SCN8A: variants seen among roughly 807,000 people sequenced by gnomAD.
SCN8A encodes sodium channel protein type 8 subunit alpha.
A neutral mutation model predicts 184.1 loss-of-function variants in SCN8A; 30 were observed. That is an observed-to-expected ratio of 0.16 (90% confidence interval 0.12 to 0.22). The LOEUF (loss-of-function observed/expected upper bound fraction) is 0.22. Ranked by LOEUF, SCN8A falls within the 10% of genes least tolerant of loss-of-function variation. SCN8A has a pLI of 1.00. For synonymous variants in SCN8A, 852 were observed against 907.0 expected, an observed-to-expected ratio of 0.94 and a Z score of 1.09; for missense variants, 1,057 against 2,498.9, an observed-to-expected ratio of 0.42 and a Z score of 12.30.
In SCN8A at chr12:51,620,476, T is replaced by C. The variant is rs146517336; in HGVS notation, c.-55+29117T>C. On this transcript the variant is annotated intron_variant, in intron 1 of 26. Transcript: ENST00000627620. ...TAGCTCTTCAAATAGTCATCTTTAA[T>C]TTTTTCTTTATATAACTCTATATTT... Among the ~76,000 whole-genome samples the C allele has an allele frequency of 3.3e-3, 500 of 152,252 alleles. 2 individuals are homozygous for C. Among genetic ancestry groups the C allele is most frequent in the African/African-American group, 0.011 (458 of 41,546 alleles).
chr12:51,751,250 C>T (rs1942589373), intron 13 of SCN8A, 105 bp from the exon 14 acceptor site: 4 of 791,660 alleles, frequency 5.1e-6, no homozygotes, highest in Non-Finnish European at 8.4e-6. Flanking sequence ...TCAAAACAAC[C>T]TTGATTCCAT....
chr12:51,723,398 A>T (rs555867187), intron 12 of SCN8A, among the ~76,000 whole-genome samples: 1 of 152,214 alleles, frequency 6.6e-6, no homozygotes, highest in Non-Finnish European at 1.5e-5. Flanking sequence ...ATGCTGAGGC[A>T]GGGGGATCAC....
chr12:51,699,843 A>T, intron 7 of SCN8A, 52 bp downstream of exon 7: 1 of 1,485,776 alleles, frequency 6.7e-7, no homozygotes, highest in Non-Finnish European at 9.3e-7. Context: ...TTCCTAGTTC[A>T]CATGGTCAGA....
chr12:51,612,607 G>C (rs2138580124), intron 1 of SCN8A, among the ~76,000 whole-genome samples: 1 of 152,124 alleles, frequency 6.6e-6, no homozygotes, highest in South Asian at 2.1e-4. Context: ...TTTTTTTCTT[G>C]TTTAGTCTGT....
rs150913624 is a variant in SCN8A at position 51,681,916 on chromosome 12, T to C, written c.277-2258T>C. Among the ~76,000 whole-genome samples the C allele has an allele frequency of 7.0e-3, 1,059 of 151,614 alleles. 11 individuals carry two copies. Among genetic ancestry groups the C allele is most frequent in the African/African-American group, 0.024 (1,000 of 41,286 alleles). On this transcript the variant is annotated intron_variant, in intron 2 of 26. Coordinates refer to ENST00000627620, the MANE Select transcript of SCN8A (RefSeq NM_001330260.2). ...GGAAGCATAAGATTGGTTCCTGCCC[T>C]CAAAGAACCAAAAGCCTAATTGTAG...
chr12:51,598,601 T>C (rs1307896848), intron 1 of SCN8A, among the ~76,000 whole-genome samples: 1 of 152,220 alleles, frequency 6.6e-6, no homozygotes, highest in Non-Finnish European at 1.5e-5. Flanking sequence ...GTTGACAGTT[T>C]CTCTTCCATT....
At chr12:51,593,638 C>T (rs530215709) in intron 1 of SCN8A, among the ~76,000 whole-genome samples, 1 of 152,202 alleles carries the variant, frequency 6.6e-6, no homozygotes, top group Non-Finnish European at 1.5e-5. Context: ...GGACAGTTCC[C>T]CGACCAGTTC....
intron 14 of SCN8A, among the ~76,000 whole-genome samples, chr12:51,755,931 T>G (rs1942666652): frequency 6.6e-6 from 1 of 152,102 alleles, no homozygotes; most frequent in African/African-American, 2.4e-5. Context: ...CTCCTCACCC[T>G]GTATAGGCTC....
chr12:51,694,035 C>T (rs1351451065), intron 6 of SCN8A, among the ~76,000 whole-genome samples: 2 of 152,178 alleles, frequency 1.3e-5, no homozygotes, highest in African/African-American at 4.8e-5. Context: ...TGGGTTCAAG[C>T]GATTCTCCTG....
In SCN8A at chr12:51,592,339, CTG is replaced by C. The variant is rs549342174; in HGVS notation, c.-55+982_-55+983del. Among the ~76,000 whole-genome samples, 1,378 of 152,086 alleles carry C rather than the reference CTG, an allele frequency of 9.1e-3. 11 individuals carry two copies. Among genetic ancestry groups the C allele is most frequent in the Middle Eastern group, 0.027 (8 of 294 alleles). ...CTAACTTTCCAGGGGTTAGCCAGGA[CTG>C]TCAGACCCTTTCAGGGGCCCCAGCT... On this transcript the variant is annotated intron_variant, in intron 1 of 26. Coordinates refer to ENST00000627620, the MANE Select transcript of SCN8A (RefSeq NM_001330260.2).
Position 51,806,946 on chromosome 12 carries a change from A to T in SCN8A, c.5460A>T (p.Arg1820=). ...CAGATGCCTTGGAGCATCCTCTCCGAGTGCCCAAGCCCAATACCATTGAGC... is the reference window on the plus strand; with the variant it reads ...CAGATGCCTTGGAGCATCCTCTCCGTGTGCCCAAGCCCAATACCATTGAGC... ...DFADALEHPL[R]VPKPNTIELI... Residue 1820 remains arginine, a synonymous_variant, in exon 27 of 27, where the codon CGA becomes CGT. Transcript: ENST00000627620. This position sits in a 1 kb window ranked among gnomAD's most constrained non-coding sequence, Gnocchi z 8.7. 6.2e-7 allele frequency: 1 copy of T among 1,613,728 alleles called. No individual in the cohort carries two copies. The highest frequency in any genetic ancestry group is 1.1e-5 in the South Asian group (1 of 91,080).
intron 1 of SCN8A, among the ~76,000 whole-genome samples, chr12:51,656,783 C>T (rs563950780): frequency 6.6e-6 from 1 of 151,420 alleles, no homozygotes; most frequent in Admixed American, 6.6e-5. Context: ...ATCAAAACCA[C>T]AGTGAGGTAC....
intron 1 of SCN8A, among the ~76,000 whole-genome samples, chr12:51,603,493 A>G (rs1939514758): frequency 6.6e-6 from 1 of 152,214 alleles, no homozygotes; most frequent in African/African-American, 2.4e-5. Flanking sequence ...TACTTCTGCA[A>G]ACATTCATGT....
chr12:51,779,061 C>A (rs1012906508), intron 20 of SCN8A, among the ~76,000 whole-genome samples: 1 of 151,770 alleles, frequency 6.6e-6, no homozygotes, highest in South Asian at 2.1e-4. Flanking sequence ...ACTAAAAATA[C>A]AAAATTAGCC....
chr12:51,634,162 CAT>C (rs1282737153), intron 1 of SCN8A, among the ~76,000 whole-genome samples: 1 of 152,088 alleles, frequency 6.6e-6, no homozygotes, highest in Non-Finnish European at 1.5e-5. Flanking sequence ...AAATGTCAAA[CAT>C]AATGTGGAAT....
intron 26 of SCN8A, among the ~76,000 whole-genome samples, chr12:51,805,911 C>A (rs1254470816): frequency 1.3e-5 from 2 of 152,092 alleles, no homozygotes; most frequent in Non-Finnish European, 2.9e-5. Flanking sequence ...TTACTACAAC[C>A]TCCACCTACC....
chr12:51,729,696 C>G (rs1942210412), intron 12 of SCN8A, among the ~76,000 whole-genome samples: 1 of 152,064 alleles, frequency 6.6e-6, no homozygotes, highest in African/African-American at 2.4e-5. Flanking sequence ...AAGTGAAATT[C>G]CTGGGTCATA....
intron 1 of SCN8A, among the ~76,000 whole-genome samples, chr12:51,630,234 T>A (rs1305976224): frequency 6.6e-6 from 1 of 152,136 alleles, no homozygotes; most frequent in Non-Finnish European, 1.5e-5. Flanking sequence ...TTATCTTCCC[T>A]AACTTAAACT....
intron 2 of SCN8A, among the ~76,000 whole-genome samples, chr12:51,664,641 G>A (rs757761205): frequency 6.6e-6 from 1 of 151,970 alleles, no homozygotes; most frequent in Non-Finnish European, 1.5e-5. Context: ...CATCTCTCTG[G>A]ACCTAAACTA....
Sources: allele counts gnomAD v4.1 joint callset (sites outside exome capture counted in the v4.1 genomes callset), GRCh38; gene constraint gnomAD v4.1.1; non-coding constraint Gnocchi (gnomAD v3.1); transcripts MANE v1.5; gene names NCBI Gene and HGNC (gene_info 2026-07-23, HGNC 2026-07-21).